The following ZNF7 variants were observed in gnomAD, a reference collection of about 807,000 sequenced individuals.
ZNF7 encodes the protein zinc finger protein 7, also known as C2-H2 type zinc finger protein.
A neutral mutation model predicts 12.0 loss-of-function variants in ZNF7; 10 were observed. The ratio of observed to expected loss-of-function variants is 0.83; its 90% CI spans 0.51 to 1.42. The LOEUF (loss-of-function observed/expected upper bound fraction) is 1.42, where lower values mean the gene tolerates loss of function less well. ZNF7 is among the 40% of genes most tolerant of loss of function. The pLI is 0.00. For synonymous variants in ZNF7, 334 were observed against 295.0 expected (o/e 1.13, Z -1.35); for missense variants, 854 against 837.2 (o/e 1.02, Z -0.25).
At chr8:144,827,700 G>A in intron 1 of ZNF7, 91 bp downstream of exon 1, 1 of 982,302 alleles carries the variant, frequency 1.0e-6, no homozygotes, top group Non-Finnish European at 1.2e-6. Context: ...CGGCATTGGG[G>A]TCCCCGCGTC....
rs528735205 is a variant in ZNF7, at chr8:144,833,073, C to T, written c.130+3469C>T. On this transcript the variant is annotated intron_variant, in intron 3 of 4. Transcript: ENST00000532777. ...ATTAGCTGGGTGTGGTGGCTCACGC[C>T]TGTAATCCCAGCTACTCAGAAGGCT... 4.8e-3 allele frequency among the ~76,000 whole-genome samples: 730 copies of T among 151,980 alleles called. 4 individuals carry two copies. Among genetic ancestry groups the T allele is most frequent in the African/African-American group, 0.017 (702 of 41,476 alleles).
At position 144,841,957 on chromosome 8, in the gene ZNF7, G is replaced by A. The variant is rs1829980758; in HGVS notation, c.850G>A (p.Gly284Arg). 6.2e-7 allele frequency: 1 copy of A among 1,614,168 alleles called. No homozygotes were observed. The highest frequency in any genetic ancestry group is 8.5e-7 in the Non-Finnish European group (1 of 1,180,030). The change falls in exon 5 of 5, where the codon GGA (glycine) becomes AGA (arginine). Residue 284 changes from glycine (G) to arginine (R), a missense_variant. Transcript: ENST00000532777. Reference sequence around the variant, plus strand: ...GAAACCCTTTAAATGCACTGAGTGTGGAAAAGCCTTCCGCCTGAGCTCAAA... The same window carrying A: ...GAAACCCTTTAAATGCACTGAGTGTAGAAAAGCCTTCCGCCTGAGCTCAAA... ...GEKPFKCTECGKAFRLSSKLI... is the reference protein window; with the variant it reads ...GEKPFKCTECRKAFRLSSKLI...
chr8:144,843,224 T>G lies in ZNF7; in HGVS notation c.*56T>G. ...AATAAACCTATAGCCTTAACTTACT[T>G]ATTTTATATGGAATCGTTTATACTG... On this transcript the variant is annotated 3_prime_UTR_variant, in exon 5 of 5. Transcript: ENST00000532777. 6.7e-7 allele frequency: 1 copy of G among 1,491,816 alleles called. No homozygotes were observed. The highest frequency in any genetic ancestry group is 9.0e-7 in the Non-Finnish European group (1 of 1,115,940). 92.4% of individuals were successfully genotyped at this position (1,491,816 alleles called of 1,614,324 possible). A position where few individuals can be genotyped will look rare whatever the true frequency, so the allele number is the denominator to read the frequency against.
downstream of ZNF7, among the ~76,000 whole-genome samples, chr8:144,845,530 A>T (rs1177192221): frequency 6.6e-6 from 1 of 152,094 alleles, no homozygotes; most frequent in East Asian, 1.9e-4. Context: ...GCTGAAATTG[A>T]ATTTTCACGT....
chr8:144,837,540 G>A lies in ZNF7; in HGVS notation c.247+33G>A, dbSNP rs1181339201. 2.0e-6 allele frequency: 3 copies of A among 1,532,004 alleles called. No individual in the cohort carries two copies. The Admixed American group carries it at 5.4e-5, about 28-fold the overall frequency. The allele number at this position is 1,532,004 out of a possible 1,614,324, so 94.9% of individuals were successfully genotyped here. The stretch of plus-strand genomic sequence containing the variant: ...TTAGATCCCATCGCAGAGAAGCCCT[G>A]GGGTGAGGAGAAACTGCAGGAGGGG... On this transcript the variant is annotated intron_variant, in intron 4 of 4. Transcript: ENST00000532777.
Position 144,841,526 on chromosome 8 carries a change from G to T in ZNF7, c.419G>T (p.Gly140Val), listed in dbSNP as rs768584021. Residue 140 changes from glycine to valine, a missense_variant, in exon 5 of 5, where the codon GGG becomes GTG. Transcript: ENST00000532777. ...VWLDSHLGSP[G>V]LKVTGFTFQN... ...TTAGACAGTCATCTGGGCAGTCCCG[G>T]GCTGAAAGTGACAGGCTTTACCTTC... 7 of 1,614,036 alleles carry T rather than the reference G, an allele frequency of 4.3e-6. No individual in the cohort carries two copies. The East Asian group carries it at 1.6e-4, about 36-fold the overall frequency.
intron 4 of ZNF7, chr8:144,837,927 GT>G: frequency 1.6e-6 from 1 of 629,642 alleles, no homozygotes; most frequent in East Asian, 2.7e-5. Flanking sequence ...GGCTCCAGGA[GT>G]GCATTACTTT....
At position 144,843,260 on chromosome 8, in the gene ZNF7, A is replaced by G; in HGVS notation, c.*92A>G. 1 of 1,400,334 alleles carries G rather than the reference A, an allele frequency of 7.1e-7. No homozygotes were observed. Among genetic ancestry groups the G allele is most frequent in the Non-Finnish European group, 9.6e-7 (1 of 1,041,858 alleles). The allele number at this position is 1,400,334 out of a possible 1,614,324, so 86.7% of individuals were successfully genotyped here. ...GAATCGTTTATACTGACAAACATGT[A>G]GAATGTTGGTAAAGGTTCAGAATTG... is the stretch of plus-strand genomic sequence containing the variant. On this transcript the variant is annotated 3_prime_UTR_variant, in exon 5 of 5. Coordinates refer to ENST00000532777, the MANE Select transcript of ZNF7 (RefSeq NM_003416.4).
rs1830198934 is a variant in ZNF7 at position 144,843,200 on chromosome 8, A to G, written c.*32A>G. ...TACATATAAATGTGTATATATGTGA[A>G]TAAACCTATAGCCTTAACTTACTTA... On this transcript the variant is annotated 3_prime_UTR_variant, in exon 5 of 5. Coordinates refer to ENST00000532777, the MANE Select transcript of ZNF7 (RefSeq NM_003416.4). 2.0e-6 allele frequency: 3 copies of G among 1,527,732 alleles called. No individual in the cohort carries two copies. Among genetic ancestry groups the G allele is most frequent in the African/African-American group, 2.8e-5 (2 of 71,826 alleles). The allele number at this position is 1,527,732 out of a possible 1,614,324, so 94.6% of individuals were successfully genotyped here.
intron 2 of ZNF7, 143 bp from the exon 3 acceptor site, chr8:144,829,335 T>TC: frequency 6.5e-7 from 1 of 1,541,994 alleles, no homozygotes; most frequent in Non-Finnish European, 8.7e-7. Flanking sequence ...AGACTGCCCC[T>TC]CCCCAGAATA....
At chr8:144,830,848 C>G (rs185044737) in intron 3 of ZNF7, 74 of 438,988 alleles carry the variant, frequency 1.7e-4, no homozygotes, top group Non-Finnish European at 3.0e-4. Context: ...ATTCTCCTGC[C>G]TCAGCCTCCC....
rs547101397 is a variant in ZNF7, at chr8:144,843,154, A to C, written c.2047A>C (p.Ile683Leu). Residue 683 changes from isoleucine to leucine, a missense_variant, in exon 5 of 5, where the codon ATT becomes CTT. By Grantham distance (5) the Ile-to-Leu change is conservative. Coordinates refer to ENST00000532777, the MANE Select transcript of ZNF7 (RefSeq NM_003416.4). ...CTCAAGGCTTACCCAGCATCAAAAA[A>C]TTCACATGGGATAGACCACTTACAT... ...RSSRLTQHQKIHMG is the reference protein window; with the variant it reads ...RSSRLTQHQKLHMG 1.3e-6 allele frequency: 2 copies of C among 1,590,312 alleles called. No individual in the cohort carries two copies. The highest frequency in any genetic ancestry group is 4.5e-5 in the East Asian group (2 of 44,744).
chr8:144,837,994 T>C, intron 4 of ZNF7: 1 of 684,100 alleles, frequency 1.5e-6, no homozygotes, highest in Non-Finnish European at 2.7e-6. Flanking sequence ...CAACAGAAAT[T>C]TATTGTCTCA....
At chr8:144,846,476 T>C (rs2735954), downstream of ZNF7, 10,413 of 304,500 alleles carry the variant, frequency 0.034, 925 homozygotes, top group East Asian at 0.28. Flanking sequence ...GGCGGCTTTC[T>C]TGCTGCAGCA....
chr8:144,838,254 A>G lies in ZNF7; in HGVS notation c.247+747A>G. 10 of 645,692 alleles carry G rather than the reference A, an allele frequency of 1.5e-5. No homozygotes were observed. In the South Asian group the frequency reaches 1.7e-4, roughly 11 times the overall value. The allele number at this position is 645,692 out of a possible 1,614,324, so 40.0% of individuals were successfully genotyped here. On this transcript the variant is annotated intron_variant, in intron 4 of 4. Transcript: ENST00000532777. The stretch of plus-strand genomic sequence containing the variant: ...AGAAGGACACCAGTCATGGTGGGTT[A>G]GGGGCCACCCCAGTGACCTCATGGT...
rs191788063 is a variant in ZNF7 at position 144,832,188 on chromosome 8, C to T, written c.130+2584C>T. Among the ~76,000 whole-genome samples, 184 of 97,684 alleles carry T rather than the reference C, an allele frequency of 1.9e-3. 42 individuals carry two copies. The highest frequency in any genetic ancestry group is 5.2e-3 in the African/African-American group (174 of 33,400). 64.1% of individuals were successfully genotyped at this position (97,684 alleles called of 152,430 possible). A position where few individuals can be genotyped will look rare whatever the true frequency, so the allele number is the denominator to read the frequency against. On this transcript the variant is annotated intron_variant, in intron 3 of 4. Transcript: ENST00000532777. ...CAGCGCTTTGGGAGGCCAAGGCGGGCGGATTGCCTCAAATCAGGAGTTCAA... is the reference window on the plus strand; with the variant it reads ...CAGCGCTTTGGGAGGCCAAGGCGGGTGGATTGCCTCAAATCAGGAGTTCAA...
At position 144,842,025 on chromosome 8, in the gene ZNF7, C is replaced by G. The variant is rs927110422; in HGVS notation, c.918C>G (p.Tyr306Ter). The change falls in exon 5 of 5, where the codon TAC becomes TAG. Residue 306 changes from tyrosine (Y) to a stop codon, truncating the protein, a stop_gained. Transcript: ENST00000532777. LOFTEE classifies it low-confidence loss of function (END_TRUNC). ...GAATCCACACTGGGGAGAAGCCCTA[C>G]AGATGTGAGGAATGTGGAAAAGCTT... ...HQRIHTGEKP[Y>*]RCEECGKAFG... 6.2e-7 allele frequency: 1 copy of G among 1,613,788 alleles called. No homozygotes were observed. Among genetic ancestry groups the G allele is most frequent in the Non-Finnish European group, 8.5e-7 (1 of 1,179,946 alleles).
At position 144,827,643 on chromosome 8, in the gene ZNF7, C is replaced by T. The variant is rs1487285791; in HGVS notation, c.-46+34C>T. 10 of 985,408 alleles carry T rather than the reference C, an allele frequency of 1.0e-5. 1 individual carries two copies. The highest frequency in any genetic ancestry group is 3.5e-5 in the African/African-American group (2 of 57,250). 61.0% of individuals were successfully genotyped at this position (985,408 alleles called of 1,614,324 possible). On this transcript the variant is annotated intron_variant, in intron 1 of 4. Coordinates refer to ENST00000532777, the MANE Select transcript of ZNF7 (RefSeq NM_003416.4). ...GCGCGGCGGGCGCGGACTCGGGTTGCCCTCGGTCCGAGTGATCCCTGGTCG... is the reference window on the plus strand; with the variant it reads ...GCGCGGCGGGCGCGGACTCGGGTTGTCCTCGGTCCGAGTGATCCCTGGTCG...
In ZNF7 at chr8:144,837,409, A is replaced by T; in HGVS notation, c.149A>T (p.Lys50Met). 1 of 1,611,910 alleles carries T rather than the reference A, an allele frequency of 6.2e-7. No individual in the cohort carries two copies. Among genetic ancestry groups the T allele is most frequent in the Non-Finnish European group, 8.5e-7 (1 of 1,178,232 alleles). The change falls in exon 4 of 5, where the codon AAG becomes ATG. Residue 50 changes from lysine to methionine, a missense_variant. Lys to Met is a moderately conservative substitution (Grantham distance 95). Transcript: ENST00000532777. ...VAGLAGFLVF[K>M]PELISRLEQG... Reference sequence around the variant, plus strand: ...CACACAGCAGGATTCCTGGTTTTCAAGCCTGAGCTGATCTCTCGGCTGGAG... The same window carrying T: ...CACACAGCAGGATTCCTGGTTTTCATGCCTGAGCTGATCTCTCGGCTGGAG...
Sources: allele counts gnomAD v4.1 joint callset (sites outside exome capture counted in the v4.1 genomes callset), GRCh38; gene constraint gnomAD v4.1.1; transcripts MANE v1.5; gene names NCBI Gene and HGNC (gene_info 2026-07-23, HGNC 2026-07-21).